The following CLGN variants were observed in gnomAD, a reference collection of about 807,000 sequenced individuals.
CLGN encodes testis tissue sperm-binding protein Li 79P.
CLGN carries 62 observed loss-of-function variants against 79.1 expected under a neutral mutation model. The ratio of observed to expected loss-of-function variants is 0.78; its 90% CI spans 0.64 to 0.97. The LOEUF is 0.97. Ranked by LOEUF, CLGN falls within the 50% of genes least tolerant of loss-of-function variation. CLGN has a pLI of 0.00. For synonymous variants in CLGN, 225 were observed against 224.7 expected (o/e 1.00, Z -0.01); for missense variants, 647 against 715.5 (o/e 0.90, Z 1.09).
intron 1 of CLGN, 108 bp from the exon 2 acceptor site, chr4:140,413,195 T>C: frequency 2.4e-6 from 2 of 822,128 alleles, no homozygotes; most frequent in Middle Eastern, 3.7e-4. Flanking sequence ...TATTCTAGGA[T>C]GGCTTTTAAA....
At chr4:140,396,889 A>ATATATG (rs761444960) in intron 8 of CLGN, among the ~76,000 whole-genome samples, 12 of 60,046 alleles carry the variant, frequency 2.0e-4, no homozygotes, top group Admixed American at 1.8e-3. Context: ...ATATATATAT[A>ATATATG]TGTATATATA....
intron 1 of CLGN, among the ~76,000 whole-genome samples, chr4:140,422,070 A>G (rs1217192182): frequency 1.3e-5 from 2 of 152,150 alleles, no homozygotes; most frequent in African/African-American, 2.4e-5. Context: ...TGGCACTTTT[A>G]TAAAAAAAAT....
intron 5 of CLGN, among the ~76,000 whole-genome samples, chr4:140,404,664 T>C (rs1729065026): frequency 7.7e-6 from 1 of 130,354 alleles, no homozygotes; most frequent in South Asian, 2.6e-4. Context: ...TCTTTCTTTC[T>C]TTTTTTTTGA....
At chr4:140,390,849 C>T in intron 13 of CLGN, 121 bp from the exon 14 acceptor site, 1 of 476,912 alleles carries the variant, frequency 2.1e-6, no homozygotes, top group Non-Finnish European at 3.5e-6. Context: ...GATTTAGAAG[C>T]AACTTCTTCC....
intron 14 of CLGN, 61 bp from the exon 15 acceptor site, chr4:140,389,365 T>C (rs934668101): frequency 8.7e-7 from 1 of 1,145,432 alleles, no homozygotes; most frequent in African/African-American, 1.5e-5. Flanking sequence ...TAGATAGTAG[T>C]AAACAATATA....
chr4:140,419,770 T>C (rs888438086), intron 1 of CLGN, among the ~76,000 whole-genome samples: 1 of 152,168 alleles, frequency 6.6e-6, no homozygotes, highest in Non-Finnish European at 1.5e-5. Context: ...TAACTAGGAT[T>C]TGATCTCTCT....
intron 1 of CLGN, among the ~76,000 whole-genome samples, chr4:140,424,577 T>C (rs1450610337): frequency 6.6e-6 from 1 of 152,220 alleles, no homozygotes; most frequent in East Asian, 1.9e-4. Context: ...GTTTAAGTTA[T>C]ATAATTTTAG....
intron 14 of CLGN, among the ~76,000 whole-genome samples, chr4:140,390,234 G>A (rs1327010132): frequency 1.3e-5 from 2 of 151,672 alleles, no homozygotes; most frequent in African/African-American, 2.4e-5. Flanking sequence ...ATTTTAAAAC[G>A]TGAGAGTAAA....
At chr4:140,406,222 T>C in intron 4 of CLGN, 139 bp from the exon 5 acceptor site, 1 of 726,780 alleles carries the variant, frequency 1.4e-6, no homozygotes, top group Non-Finnish European at 2.3e-6. Context: ...GGAAATATCT[T>C]CAACTATATA....
In CLGN at chr4:140,410,534, C is replaced by A; in HGVS notation, c.218+19G>T. The stretch of plus-strand genomic sequence containing the variant: ...AAGCTAATAAATCAAAGAAAACATT[C>A]TCTTGAATGAATACTCACCCAGCCA... On this transcript the variant is annotated intron_variant, in intron 3 of 14. Transcript: ENST00000325617. 6.5e-7 allele frequency: 1 copy of A among 1,534,670 alleles called. No homozygotes were observed. Among genetic ancestry groups the A allele is most frequent in the Non-Finnish European group, 9.0e-7 (1 of 1,109,516 alleles).
intron 6 of CLGN, among the ~76,000 whole-genome samples, chr4:140,401,657 C>A (rs985840382): frequency 6.6e-6 from 1 of 152,072 alleles, no homozygotes; most frequent in Admixed American, 6.6e-5. Flanking sequence ...TTATGCTTCT[C>A]TAAACAAACT....
rs749157176 is a variant in CLGN at position 140,390,707 on chromosome 4, T to C, written c.1673A>G (p.Glu558Gly). The change falls in exon 14 of 15, where the codon GAA (glutamate) becomes GGA (glycine). Residue 558 changes from glutamate to glycine, a missense_variant. By Grantham distance (98) the Glu-to-Gly change is moderately conservative (BLOSUM62 -2). Transcript: ENST00000325617. ...LEKEEESEPE[E>G]KSEEEIEIIE... is the part of the protein sequence containing the mutation. ...GATTTCAATTTCTTCTTCACTCTTT[T>C]CCTCAGGTTCACTTTCCTCTTCTAG... The C allele has an allele frequency of 6.2e-7, 1 of 1,603,380 alleles. No homozygotes were observed. The highest frequency in any genetic ancestry group is 2.3e-5 in the East Asian group (1 of 44,356).
chr4:140,411,575 T>C (rs895767074), intron 2 of CLGN, among the ~76,000 whole-genome samples: 1 of 152,078 alleles, frequency 6.6e-6, no homozygotes, highest in African/African-American at 2.4e-5. Context: ...TGAGATTTCT[T>C]CCAGTAGGCT....
chr4:140,409,718 T>C, intron 4 of CLGN, 119 bp downstream of exon 4: 1 of 542,800 alleles, frequency 1.8e-6, no homozygotes, highest in Non-Finnish European at 3.3e-6. Context: ...AGACTGAACA[T>C]TTTATTGTGA....
intron 1 of CLGN, among the ~76,000 whole-genome samples, chr4:140,416,782 C>A (rs982478962): frequency 3.0e-4 from 45 of 152,264 alleles, no homozygotes; most frequent in Non-Finnish European, 5.7e-4. Context: ...CAAGGAGGAA[C>A]TGCTACCATT....
Position 140,389,300 on chromosome 4 carries a change from T to C in CLGN, c.1757A>G (p.Lys586Arg). The C allele has an allele frequency of 6.2e-7, 1 of 1,611,490 alleles. No individual in the cohort carries two copies. The highest frequency in any genetic ancestry group is 8.5e-7 in the Non-Finnish European group (1 of 1,178,302). ...AGATCCTGTGCTCTCATCTGCTTCT[T>C]TCATCTAGAAAAAATAATTATGAAA... is the stretch of plus-strand genomic sequence containing the variant. Reference protein sequence around the residue: ...SNKSGSEDEMKEADESTGSGD... With the variant: ...SNKSGSEDEMREADESTGSGD... Residue 586 changes from lysine (K) to arginine (R), a missense_variant, in exon 15 of 15, where the codon AAA becomes AGA. By Grantham distance (26) the Lys-to-Arg change is conservative (BLOSUM62 2). Transcript: ENST00000325617.
At chr4:140,405,689 C>A (rs1729094088) in intron 5 of CLGN, among the ~76,000 whole-genome samples, 1 of 152,220 alleles carries the variant, frequency 6.6e-6, no homozygotes, top group Admixed American at 6.5e-5. Flanking sequence ...CATACAACTC[C>A]TTGAAATAAA....
intron 4 of CLGN, 72 bp from the exon 5 acceptor site, chr4:140,406,155 T>A: frequency 6.9e-7 from 1 of 1,446,908 alleles, no homozygotes; most frequent in Non-Finnish European, 9.4e-7. Flanking sequence ...TCAGCAGTTG[T>A]GAACAATAAT....
chr4:140,413,100 A>G lies in CLGN; in HGVS notation c.-9-13T>C. ...GCATATTGATTATCTGTGAAATTAA[A>G]AGTAATTAGTGAAAATAAAACAAAA... On this transcript the variant is annotated splice_polypyrimidine_tract_variant and intron_variant, in intron 1 of 14. Transcript: ENST00000325617. The G allele has an allele frequency of 1.9e-6, 3 of 1,596,662 alleles. No individual in the cohort carries two copies. Among genetic ancestry groups the G allele is most frequent in the Non-Finnish European group, 2.6e-6 (3 of 1,172,978 alleles).
Sources: gnomAD v4.1 joint callset for allele counts (sites outside exome capture counted in the v4.1 genomes callset) on GRCh38, gnomAD v4.1.1 for gene constraint, MANE v1.5 for transcripts, NCBI Gene and HGNC (gene_info 2026-07-23, HGNC 2026-07-21) for gene names.